The following MRPS17 variants were observed in gnomAD, a reference collection of about 807,000 sequenced individuals.
The protein encoded by MRPS17 is mitochondrial ribosomal protein S17, also known as small ribosomal subunit protein uS17m.
MRPS17 carries 6 observed loss-of-function variants against 11.3 expected under a neutral mutation model. That is an observed-to-expected ratio of 0.53 (90% CI 0.29 to 1.05). The LOEUF (loss-of-function observed/expected upper bound fraction) is 1.05. Ranked by LOEUF, MRPS17 falls within the 50% of genes least tolerant of loss-of-function variation. The probability of loss-of-function intolerance (pLI) is 0.08; values close to 1 mark genes in which losing one functional copy is unlikely to be tolerated. For synonymous variants in MRPS17, 56 were observed against 60.4 expected, an observed-to-expected ratio of 0.93 and a Z score of 0.34; for missense variants, 139 against 153.6, an observed-to-expected ratio of 0.90 and a Z score of 0.50.
At chr7:55,952,962 G>T (rs906688507) in intron 1 of MRPS17, among the ~76,000 whole-genome samples, 8 of 152,048 alleles carry the variant, frequency 5.3e-5, no homozygotes. Context: ...AACCCAGGAG[G>T]CGGCGTTTGC....
At position 55,955,188 on chromosome 7, in the gene MRPS17, G is replaced by A. The variant is rs774843905; in HGVS notation, c.*10G>A. The A allele has an allele frequency of 1.4e-5, 23 of 1,607,284 alleles. No individual in the cohort carries two copies. The South Asian group carries it at 2.2e-4, about 15-fold the overall frequency. ...CTCTTCAGCACAGTGAAGCGGGAGTGGAAGAAGGATCTAAAGGGAAAAACT... is the reference window on the plus strand; with the variant it reads ...CTCTTCAGCACAGTGAAGCGGGAGTAGAAGAAGGATCTAAAGGGAAAAACT... On this transcript the variant is annotated 3_prime_UTR_variant, in exon 3 of 3. Coordinates refer to ENST00000285298, the MANE Select transcript of MRPS17 (RefSeq NM_015969.3).
intron 2 of MRPS17, among the ~76,000 whole-genome samples, chr7:55,953,882 C>T (rs1453979238): frequency 6.6e-6 from 1 of 152,176 alleles, no homozygotes; most frequent in South Asian, 2.1e-4. Context: ...GCTGATCTGA[C>T]AGGAGGTGGA....
At position 55,955,305 on chromosome 7, in the gene MRPS17, C is replaced by T. The variant is rs1786711750; in HGVS notation, c.*127C>T. On this transcript the variant is annotated 3_prime_UTR_variant, in exon 3 of 3. Transcript: ENST00000285298. ...GTGGTGTTTATGAAATAGCTAAAAGCAAATGAAGTAAAGGGCATACTATGG... is the reference window on the plus strand; with the variant it reads ...GTGGTGTTTATGAAATAGCTAAAAGTAAATGAAGTAAAGGGCATACTATGG... 7.6e-6 allele frequency: 9 copies of T among 1,178,144 alleles called. No homozygotes were observed. The highest frequency in any genetic ancestry group is 1.1e-5 in the Non-Finnish European group (9 of 844,192). The allele number at this position is 1,178,144 out of a possible 1,614,324, so 73.0% of individuals were successfully genotyped here.
chr7:55,955,004 A>C lies in MRPS17; in HGVS notation c.219A>C (p.Arg73=). The change falls in exon 3 of 3, where the codon CGA becomes CGC. Residue 73 remains arginine (R), a synonymous_variant. Transcript: ENST00000285298. ...IVLLRALPVP[R]AKHVKHELAE... ...TTCTCAGAGCTTTACCTGTTCCACG[A>C]GCAAAGCATGTGAAACATGAACTGG... 1 of 1,614,186 alleles carries C rather than the reference A, an allele frequency of 6.2e-7. No individual in the cohort carries two copies. The highest frequency in any genetic ancestry group is 1.3e-5 in the African/African-American group (1 of 75,034).
chr7:55,952,393 G>GT (rs1312760525), intron 1 of MRPS17: 1 of 152,344 alleles, frequency 6.6e-6, no homozygotes, highest in Non-Finnish European at 1.5e-5. Flanking sequence ...TGTAAGCGCT[G>GT]TAAAGATGAG....
rs539114544 is a variant in MRPS17 at position 55,952,880 on chromosome 7, AAATT to A, written c.-17-297_-17-294del. Among the ~76,000 whole-genome samples the A allele has an allele frequency of 8.3e-3, 1,243 of 150,344 alleles. 9 individuals carry two copies. Among genetic ancestry groups the A allele is most frequent in the Non-Finnish European group, 0.015 (983 of 67,712 alleles). ...CTCCATCTCTACTAAAAATACAAAAAAATTAGCCGGGCGTTGTGGCGGGCGCCTG... is the reference window on the plus strand; with the variant it reads ...CTCCATCTCTACTAAAAATACAAAAAAGCCGGGCGTTGTGGCGGGCGCCTG... On this transcript the variant is annotated intron_variant, in intron 1 of 2. Transcript: ENST00000285298.
At position 55,955,225 on chromosome 7, in the gene MRPS17, G is replaced by A. The variant is rs370504651; in HGVS notation, c.*47G>A. 1.7e-5 allele frequency: 27 copies of A among 1,562,726 alleles called. No individual in the cohort carries two copies. Among genetic ancestry groups the A allele is most frequent in the Non-Finnish European group, 2.2e-5 (25 of 1,156,266 alleles). ...TAAAGGGAAAAACTGACATGTTTAT[G>A]TTATGGAAAAAGAAATTTTTCTAAG... On this transcript the variant is annotated 3_prime_UTR_variant, in exon 3 of 3. Coordinates refer to ENST00000285298, the MANE Select transcript of MRPS17 (RefSeq NM_015969.3).
At position 55,956,500 on chromosome 7, in the gene MRPS17, G is replaced by A. The variant is rs1786729046; in HGVS notation, c.*1322G>A. The A allele has an allele frequency of 6.6e-6, 1 of 152,142 alleles. No individual in the cohort carries two copies. The highest frequency in any genetic ancestry group is 1.5e-5 in the Non-Finnish European group (1 of 68,030). The allele number at this position is 152,142 out of a possible 1,614,324, so 9.4% of individuals were successfully genotyped here. A position where few individuals can be genotyped will look rare whatever the true frequency, so the allele number is the denominator to read the frequency against. On this transcript the variant is annotated 3_prime_UTR_variant, in exon 3 of 3. Coordinates refer to ENST00000285298, the MANE Select transcript of MRPS17 (RefSeq NM_015969.3). ...GTGGAAAATAAAATTTTACAATTCT[G>A]TGCCACTTTTCTTACATCCTAGGCT...
chr7:55,953,315 A>G lies in MRPS17; in HGVS notation c.120A>G (p.Leu40=). ...VTRLVLDPYL[L]KYFNKRKTYF... ...GGCTTGTTCTGGATCCCTATTTATT[A>G]AAGGTGAGAAACATTCTTGTTTCCG... Residue 40 remains leucine (L), a synonymous_variant, in exon 2 of 3, where the codon TTA becomes TTG. Transcript: ENST00000285298. 10 of 1,613,672 alleles carry G rather than the reference A, an allele frequency of 6.2e-6. No individual in the cohort carries two copies. The highest frequency in any genetic ancestry group is 8.5e-6 in the Non-Finnish European group (10 of 1,179,962).
In MRPS17 at chr7:55,956,004, G is replaced by C. The variant is rs930738093; in HGVS notation, c.*826G>C. 2 of 151,026 alleles carry C rather than the reference G, an allele frequency of 1.3e-5. No individual in the cohort carries two copies. The allele number at this position is 151,026 out of a possible 1,614,324, so 9.4% of individuals were successfully genotyped here. A position where few individuals can be genotyped will look rare whatever the true frequency, so the allele number is the denominator to read the frequency against. On this transcript the variant is annotated 3_prime_UTR_variant, in exon 3 of 3. Transcript: ENST00000285298. ...GGTCTCGGACTCCTGGGAGCAATCT[G>C]CCCATCTTGGCCTAACAGTGCTGGG...
chr7:55,954,570 A>C (rs1308793872), intron 2 of MRPS17, among the ~76,000 whole-genome samples: 1 of 152,158 alleles, frequency 6.6e-6, no homozygotes, highest in African/African-American at 2.4e-5. Flanking sequence ...TCTACTAAAA[A>C]AACATACAAA....
At chr7:55,954,427 T>C (rs964469595) in intron 2 of MRPS17, among the ~76,000 whole-genome samples, 25 of 152,162 alleles carry the variant, frequency 1.6e-4, no homozygotes, top group African/African-American at 5.8e-4. Context: ...AGGGTTGTTA[T>C]AAAGAATAGG....
rs767814528 is a variant in MRPS17, at chr7:55,953,228, A to T, written c.33A>T (p.Arg11Ser). 9 of 1,614,058 alleles carry T rather than the reference A, an allele frequency of 5.6e-6. No homozygotes were observed. The Admixed American group carries it at 1.5e-4, about 27-fold the overall frequency. ...TAGTTCGCTCATCCGTCCATGCCAG[A>T]TGGATTGTGGGGAAGGTGATTGGGA... MSVVRSSVHA[R>S]WIVGKVIGTK... The change falls in exon 2 of 3, where the codon AGA (arginine) becomes AGT (serine). Residue 11 changes from arginine to serine, a missense_variant. Arg to Ser is a moderately radical substitution (Grantham distance 110). Coordinates refer to ENST00000285298, the MANE Select transcript of MRPS17 (RefSeq NM_015969.3).
In MRPS17 at chr7:55,955,994, G is replaced by A. The variant is rs1786722205; in HGVS notation, c.*816G>A. 1 of 151,296 alleles carries A rather than the reference G, an allele frequency of 6.6e-6. No individual in the cohort carries two copies. The highest frequency in any genetic ancestry group is 6.6e-5 in the Admixed American group (1 of 15,150). The allele number at this position is 151,296 out of a possible 1,614,324, so 9.4% of individuals were successfully genotyped here. Reference sequence around the variant, plus strand: ...TGCCCAGGTTGGTCTCGGACTCCTGGGAGCAATCTGCCCATCTTGGCCTAA... The same window carrying A: ...TGCCCAGGTTGGTCTCGGACTCCTGAGAGCAATCTGCCCATCTTGGCCTAA... On this transcript the variant is annotated 3_prime_UTR_variant, in exon 3 of 3. Coordinates refer to ENST00000285298, the MANE Select transcript of MRPS17 (RefSeq NM_015969.3).
In MRPS17 at chr7:55,955,103, G is replaced by A; in HGVS notation, c.318G>A (p.Leu106=). ...AGCCCTGTGCTGGAACTACCTACCTGGAGAGTCCGTTGAGTTCGGAAACCA... is the reference window on the plus strand; with the variant it reads ...AGCCCTGTGCTGGAACTACCTACCTAGAGAGTCCGTTGAGTTCGGAAACCA... ...TGKPCAGTTY[L]ESPLSSETTQ... Residue 106 remains leucine (L), a synonymous_variant, in exon 3 of 3, where the codon CTG becomes CTA. Transcript: ENST00000285298. 1.2e-6 allele frequency: 2 copies of A among 1,614,102 alleles called. No individual in the cohort carries two copies. Among genetic ancestry groups the A allele is most frequent in the Non-Finnish European group, 1.7e-6 (2 of 1,180,036 alleles).
At chr7:55,952,927 G>A (rs573131515) in intron 1 of MRPS17, among the ~76,000 whole-genome samples, 1 of 152,052 alleles carries the variant, frequency 6.6e-6, no homozygotes, top group African/African-American at 2.4e-5. Flanking sequence ...AGCTGCTCGG[G>A]AGGCTGAGGC....
At chr7:55,953,408 A>T in intron 2 of MRPS17, 90 bp downstream of exon 2, 1 of 1,543,474 alleles carries the variant, frequency 6.5e-7, no homozygotes, top group Non-Finnish European at 8.8e-7. Flanking sequence ...CTCAGTAAAG[A>T]TGTCTTGTCT....
chr7:55,952,979 C>T (rs894205422), intron 1 of MRPS17, among the ~76,000 whole-genome samples, 200 bp from the exon 2 acceptor site: 1 of 151,962 alleles, frequency 6.6e-6, no homozygotes, highest in Non-Finnish European at 1.5e-5. Context: ...TTGCAGTGAG[C>T]CAAGATCGCA....
intron 2 of MRPS17, 75 bp downstream of exon 2, chr7:55,953,393 T>C: frequency 6.4e-7 from 1 of 1,569,404 alleles, no homozygotes; most frequent in Non-Finnish European, 8.6e-7. Flanking sequence ...AAAAAACATT[T>C]ATCTCTCAGT....
Sources: gnomAD v4.1 joint callset for allele counts (sites outside exome capture counted in the v4.1 genomes callset) on GRCh38, gnomAD v4.1.1 for gene constraint, MANE v1.5 for transcripts, NCBI Gene and HGNC (gene_info 2026-07-23, HGNC 2026-07-21) for gene names.